TAF1: variants seen among roughly 807,000 people sequenced by gnomAD.
The protein encoded by TAF1 is TATA-box binding protein associated factor 1.
In TAF1, 2 loss-of-function variants were observed where a neutral mutation model predicts 138.5. The observed-to-expected ratio is 0.01, with a 90% CI of 0.01 to 0.05. The LOEUF (loss-of-function observed/expected upper bound fraction) is 0.05. TAF1 is among the 10% of genes least tolerant of loss of function. The pLI, the probability that TAF1 is intolerant of heterozygous loss-of-function variation, is 1.00. For missense variants in TAF1, 709 were observed against 1,478.0 expected, an observed-to-expected ratio of 0.48 and a Z score of 8.53; for synonymous variants, 437 against 503.2, an observed-to-expected ratio of 0.87 and a Z score of 1.76.
At chrX:71,459,461 G>T (rs987060763) in intron 35 of TAF1, 91 bp from the exon 36 acceptor site, 1 of 1,122,714 alleles carries the variant, frequency 8.9e-7, no homozygotes, top group East Asian at 3.2e-5. Context: ...AGGGATGGGC[G>T]GGGCGGGGAG....
At chrX:71,377,904 T>TAG in intron 6 of TAF1, 83 bp downstream of exon 6, 1 of 986,478 alleles carries the variant, frequency 1.0e-6, no homozygotes. Context: ...ATGTCTAAAT[T>TAG]GTAAATAATA....
chrX:71,419,199 C>T (rs924700681), intron 28 of TAF1, among the ~76,000 whole-genome samples: 3 of 111,158 alleles, frequency 2.7e-5, no homozygotes, highest in Admixed American at 9.6e-5. Context: ...AGTCACCCAT[C>T]GGTCTATTTA....
Position 71,397,464 on chromosome X carries a change from C to G in TAF1, c.3618C>G (p.Phe1206Leu), listed in dbSNP as rs1385515308. ...VRIRTTKDEE[F>L]IRKFALFDEQ... The stretch of plus-strand genomic sequence containing the variant: ...TACGGACTACAAAAGATGAGGAATT[C>G]ATGTGAGTTTGATTTACCACTTCCT... Residue 1206 changes from phenylalanine to leucine, a missense_variant and splice_region_variant, in exon 23 of 38, where the codon TTC (phenylalanine) becomes TTG (leucine). Physicochemically the swap from Phe to Leu is conservative, Grantham distance 22. Transcript: ENST00000423759. The G allele has an allele frequency of 8.3e-7, 1 of 1,209,606 alleles. No individual in the cohort carries two copies. Among genetic ancestry groups the G allele is most frequent in the Non-Finnish European group, 1.1e-6 (1 of 895,078 alleles).
chrX:71,482,276 T>C (rs896439878), intron 13 of TAF1, among the ~76,000 whole-genome samples: 2 of 112,571 alleles, frequency 1.8e-5, no homozygotes, highest in African/African-American at 6.4e-5. Context: ...TTTAAGGTTG[T>C]ACAATTGTGA....
At chrX:71,517,964 TA>T (rs956402314) in intron 13 of TAF1, among the ~76,000 whole-genome samples, 2 of 109,375 alleles carry the variant, frequency 1.8e-5, no homozygotes, top group African/African-American at 6.7e-5. Context: ...TACCCTTAAA[TA>T]AAAATTAAAA....
chrX:71,431,376 T>C (rs2036879711), intron 32 of TAF1, among the ~76,000 whole-genome samples: 1 of 110,711 alleles, frequency 9.0e-6, no homozygotes, highest in Non-Finnish European at 1.9e-5. Flanking sequence ...GAAGAGAATT[T>C]ATACTATAAA....
chrX:71,483,778 C>CTA (rs1486207258), intron 13 of TAF1, among the ~76,000 whole-genome samples: 1,686 of 53,884 alleles, frequency 0.031, 26 homozygotes, highest in East Asian at 0.043. Flanking sequence ...CTCTCTCTCT[C>CTA]TCTATATATA....
chrX:71,450,206 CTT>C (rs759599443), intron 32 of TAF1, among the ~76,000 whole-genome samples: 5 of 97,223 alleles, frequency 5.1e-5, no homozygotes, highest in Admixed American at 1.1e-4. Context: ...CTGGAAGAGA[CTT>C]TTTTTTTTTT....
chrX:71,412,564 G>A (rs1484598590), intron 28 of TAF1, among the ~76,000 whole-genome samples: 10 of 111,901 alleles, frequency 8.9e-5, no homozygotes, highest in Non-Finnish European at 1.9e-4. Flanking sequence ...GAACATTTTT[G>A]TACAGACTTG....
rs763516020 is a variant in TAF1, at chrX:71,394,252, A to T, written c.3406+7A>T. The stretch of plus-strand genomic sequence containing the variant: ...CTACAGCGAATGCTACTGGGTGAGG[A>T]TCTTGGCTTCACAGACAGATAAAAA... On this transcript the variant is annotated splice_region_variant and intron_variant, in intron 22 of 37. Coordinates refer to ENST00000423759, the MANE Select transcript of TAF1 (RefSeq NM_004606.5). 3.0e-5 allele frequency: 36 copies of T among 1,191,581 alleles called. No individual in the cohort carries two copies. In the South Asian group the frequency reaches 6.8e-4, roughly 22 times the overall value.
At chrX:71,453,641 T>C (rs747255547) in intron 32 of TAF1, among the ~76,000 whole-genome samples, 1 of 110,949 alleles carries the variant, frequency 9.0e-6, no homozygotes, top group Non-Finnish European at 1.9e-5. Context: ...TGGTATACAT[T>C]GTATGGGTTT....
At chrX:71,499,089 CTT>C (rs1481374370) in intron 13 of TAF1, among the ~76,000 whole-genome samples, 1 of 111,251 alleles carries the variant, frequency 9.0e-6, no homozygotes. Context: ...CCCAGAGAAA[CTT>C]TGCACCTTCC....
chrX:71,514,327 G>GCAAA (rs201216177), intron 13 of TAF1, among the ~76,000 whole-genome samples: 11 of 109,262 alleles, frequency 1.0e-4, no homozygotes, highest in South Asian at 7.9e-4. Flanking sequence ...TCTCAGAAAA[G>GCAAA]CAAACAAACA....
intron 32 of TAF1, among the ~76,000 whole-genome samples, chrX:71,451,524 G>C (rs1224094204): frequency 1.0e-5 from 1 of 98,470 alleles, no homozygotes; most frequent in Non-Finnish European, 2.0e-5. Context: ...GGTGTTTCTC[G>C]TAGAGGGGGA....
At chrX:71,459,201 G>A (rs1300372121) in intron 35 of TAF1, 2 of 1,102,117 alleles carry the variant, frequency 1.8e-6, no homozygotes, top group Non-Finnish European at 2.4e-6. Flanking sequence ...TGTAGATATT[G>A]AAGGGTATGA....
At chrX:71,440,725 C>G (rs2037369384) in intron 32 of TAF1, among the ~76,000 whole-genome samples, 1 of 111,571 alleles carries the variant, frequency 9.0e-6, no homozygotes, top group Admixed American at 9.6e-5. Flanking sequence ...GCAGCATTCA[C>G]TGTTACCACT....
At chrX:71,422,639 T>C (rs2036409109) in intron 29 of TAF1, among the ~76,000 whole-genome samples, 1 of 111,251 alleles carries the variant, frequency 9.0e-6, no homozygotes, top group African/African-American at 3.3e-5. Flanking sequence ...ATATCATTTA[T>C]CTTGACTTTT....
At chrX:71,469,733 C>T (rs750126931), downstream of TAF1, among the ~76,000 whole-genome samples, 5 of 110,726 alleles carry the variant, frequency 4.5e-5, no homozygotes, top group African/African-American at 1.6e-4. Context: ...CGGAGTTTCG[C>T]TCTTGTTGTC....
intron 13 of TAF1, among the ~76,000 whole-genome samples, chrX:71,511,165 T>C (rs766976529): frequency 9.0e-6 from 1 of 111,648 alleles, no homozygotes; most frequent in East Asian, 2.8e-4. Flanking sequence ...ATACACAATA[T>C]AGAGAATGTT....
Sources: gnomAD v4.1 joint callset for allele counts (sites outside exome capture counted in the v4.1 genomes callset) on GRCh38, gnomAD v4.1.1 for gene constraint, MANE v1.5 for transcripts, NCBI Gene and HGNC (gene_info 2026-07-23, HGNC 2026-07-21) for gene names.